The following IKBIP variants were observed in gnomAD, a reference collection of about 807,000 sequenced individuals.
IKBIP encodes the protein IKBKB interacting protein, also known as inhibitor of nuclear factor kappa-B kinase-interacting protein.
In IKBIP, 28 loss-of-function variants were observed where a neutral mutation model predicts 31.0. The observed-to-expected ratio is 0.90, with a 90% CI of 0.67 to 1.24. The LOEUF (loss-of-function observed/expected upper bound fraction) is 1.24. IKBIP is among the 50% of genes most tolerant of loss of function. The pLI is 0.00. For synonymous variants in IKBIP, 164 were observed against 160.3 expected (o/e 1.02, Z -0.17); for missense variants, 453 against 441.9 (o/e 1.03, Z -0.23).
chr12:98,643,092 G>T (rs1384398385), intron 1 of IKBIP, among the ~76,000 whole-genome samples: 2 of 151,792 alleles, frequency 1.3e-5, no homozygotes, highest in African/African-American at 2.4e-5. Flanking sequence ...AGCTGGGATT[G>T]CAGGTTTGTG....
downstream of IKBIP, chr12:98,624,212 C>G (rs1053661159): frequency 1.1e-6 from 1 of 909,084 alleles, no homozygotes; most frequent in South Asian, 5.1e-5. Context: ...TCACATTTGC[C>G]TTGACAGGAT....
intron 1 of IKBIP, among the ~76,000 whole-genome samples, chr12:98,639,059 G>T (rs893712840): frequency 4.6e-5 from 7 of 151,794 alleles, no homozygotes; most frequent in Non-Finnish European, 1.0e-4. Flanking sequence ...TCTCTTTTTG[G>T]AGATGGAGTC....
Position 98,626,183 on chromosome 12 carries a change from T to C in IKBIP, c.881A>G (p.Glu294Gly). The C allele has an allele frequency of 2.5e-6, 4 of 1,613,878 alleles. No homozygotes were observed. The change falls in exon 3 of 3, where the codon GAA becomes GGA. Residue 294 changes from glutamate to glycine, a missense_variant. Glu to Gly is a moderately conservative substitution (Grantham distance 98, BLOSUM62 -2). Coordinates refer to ENST00000299157, the MANE Select transcript of IKBIP (RefSeq NM_153687.4). ...CATAGTCAAGTCTTCCATTTTCTTTTCTGTTTCTATCAGATCCTGAGAGAC... is the reference window on the plus strand; with the variant it reads ...CATAGTCAAGTCTTCCATTTTCTTTCCTGTTTCTATCAGATCCTGAGAGAC... Reference protein sequence around the residue: ...LRVSQDLIETEKKMEDLTMQM... With the variant: ...LRVSQDLIETGKKMEDLTMQM...
At position 98,625,221 on chromosome 12, in the gene IKBIP, G is replaced by C; in HGVS notation, c.*709C>G. ...AGATTTATATACACATAATTCCTAA[G>C]AAAGGCCTTATGTAAGAACATACTT... On this transcript the variant is annotated 3_prime_UTR_variant, in exon 3 of 3. Transcript: ENST00000299157. The C allele has an allele frequency of 5.1e-6, 5 of 976,672 alleles. No individual in the cohort carries two copies. The highest frequency in any genetic ancestry group is 6.1e-6 in the Non-Finnish European group (5 of 821,954). The allele number at this position is 976,672 out of a possible 1,614,324, so 60.5% of individuals were successfully genotyped here.
rs141230563 is a variant in IKBIP at position 98,614,007 on chromosome 12, C to G, written c.631G>C (p.Val211Leu). The G allele has an allele frequency of 3.5e-5, 56 of 1,609,722 alleles. No homozygotes were observed. In the African/African-American group the frequency reaches 6.4e-4, roughly 18 times the overall value. Residue 211 changes from valine (V) to leucine (L), a missense_variant, in exon 3 of 3, where the codon GTA (valine) becomes CTA (leucine). Coordinates refer to the IKBIP transcript ENST00000342502. Reference sequence around the variant, plus strand: ...GAAAGAAGATCACCTATATTTTTTACTGTATTTTTTTCTACTTTCTCTATT... The same window carrying G: ...GAAAGAAGATCACCTATATTTTTTAGTGTATTTTTTTCTACTTTCTCTATT...
At chr12:98,632,483 G>GGAAAAAAA (rs1246465286) in intron 2 of IKBIP, among the ~76,000 whole-genome samples, 1 of 11,564 alleles carries the variant, frequency 8.6e-5, no homozygotes, top group African/African-American at 2.9e-4. Context: ...GACTCTATCT[G>GGAAAAAAA]AAAAAAAAAA....
intron 2 of IKBIP, among the ~76,000 whole-genome samples, chr12:98,631,394 C>T (rs1215084566): frequency 6.6e-6 from 1 of 151,740 alleles, no homozygotes; most frequent in Non-Finnish European, 1.5e-5. Context: ...GATTCTCCTG[C>T]CTCAGCCTCC....
At chr12:98,621,131 C>A (rs2097609902), downstream of IKBIP, among the ~76,000 whole-genome samples, 1 of 152,078 alleles carries the variant, frequency 6.6e-6, no homozygotes, top group South Asian at 2.1e-4. Context: ...CACCTGTAAT[C>A]CCAGGTACTT....
rs770992106 is a variant in IKBIP, at chr12:98,644,711, C to G, written c.-10G>C. The G allele has an allele frequency of 6.3e-6, 10 of 1,599,376 alleles. No homozygotes were observed. In the Admixed American group the frequency reaches 1.6e-4, roughly 26 times the overall value. ...TCTTCACCTCAGACATGTCTGGAGA[C>G]CCTAGGACGACAAGCCCAGGGCAGC... On this transcript the variant is annotated 5_prime_UTR_variant, in exon 1 of 3. Coordinates refer to ENST00000299157, the MANE Select transcript of IKBIP (RefSeq NM_153687.4).
chr12:98,634,466 G>A (rs561613278), intron 1 of IKBIP, 53 bp from the exon 2 acceptor site: 15 of 884,004 alleles, frequency 1.7e-5, no homozygotes, highest in African/African-American at 1.4e-4. Flanking sequence ...ATTTAAATCC[G>A]AATTTCAAAG....
At chr12:98,634,228 G>A (rs927011219) in intron 2 of IKBIP, 68 bp downstream of exon 2, 3 of 768,688 alleles carry the variant, frequency 3.9e-6, no homozygotes, top group African/African-American at 1.7e-5. Context: ...GTTCTGAGCT[G>A]GGATAGAGAA....
intron 2 of IKBIP, among the ~76,000 whole-genome samples, chr12:98,618,429 A>G (rs1448645919): frequency 1.3e-5 from 2 of 151,946 alleles, no homozygotes; most frequent in Admixed American, 6.6e-5. Context: ...GATCGAGACC[A>G]TCCTGGCTAA....
intron 2 of IKBIP, among the ~76,000 whole-genome samples, chr12:98,615,484 C>G (rs1378035043): frequency 6.6e-6 from 1 of 152,148 alleles, no homozygotes; most frequent in Admixed American, 6.6e-5. Flanking sequence ...CCGCCTCGAC[C>G]TCCCAAAGTG....
Position 98,625,906 on chromosome 12 carries a change from T to C in IKBIP, c.*24A>G, listed in dbSNP as rs750551670. The C allele has an allele frequency of 1.5e-6, 2 of 1,374,126 alleles. No individual in the cohort carries two copies. Among genetic ancestry groups the C allele is most frequent in the South Asian group, 3.7e-5 (2 of 53,820 alleles). The allele number at this position is 1,374,126 out of a possible 1,614,324, so 85.1% of individuals were successfully genotyped here. A position where few individuals can be genotyped will look rare whatever the true frequency, so the allele number is the denominator to read the frequency against. ...AATCAATTTATGTATAATGATATGGTTCATCAGAATAAATGTCATGAATTT... is the reference window on the plus strand; with the variant it reads ...AATCAATTTATGTATAATGATATGGCTCATCAGAATAAATGTCATGAATTT... On this transcript the variant is annotated 3_prime_UTR_variant, in exon 3 of 3. Transcript: ENST00000299157.
chr12:98,644,480 G>T (rs2097636020), intron 1 of IKBIP, 43 bp downstream of exon 1: 1 of 1,523,210 alleles, frequency 6.6e-7, no homozygotes, highest in Non-Finnish European at 8.8e-7. Flanking sequence ...AAACAGCAGG[G>T]GGCCCACAGG....
Position 98,625,822 on chromosome 12 carries a change from A to G in IKBIP, c.*108T>C. 1 of 935,634 alleles carries G rather than the reference A, an allele frequency of 1.1e-6. No individual in the cohort carries two copies. The highest frequency in any genetic ancestry group is 1.4e-6 in the Non-Finnish European group (1 of 690,490). 58.0% of individuals were successfully genotyped at this position (935,634 alleles called of 1,614,324 possible). A position where few individuals can be genotyped will look rare whatever the true frequency, so the allele number is the denominator to read the frequency against. The stretch of plus-strand genomic sequence containing the variant: ...ATCCATTTGTGTGGACATCTCATTT[A>G]TTTTCCAATAATGTAGGATAAGATG... On this transcript the variant is annotated 3_prime_UTR_variant, in exon 3 of 3. Transcript: ENST00000299157.
intron 2 of IKBIP, among the ~76,000 whole-genome samples, chr12:98,632,607 C>A (rs1236395867): frequency 1.2e-4 from 14 of 117,708 alleles, no homozygotes; most frequent in African/African-American, 4.1e-4. Flanking sequence ...CCAACAGCTA[C>A]AACCAGATTC....
At position 98,630,376 on chromosome 12, in the gene IKBIP, C is replaced by CAAAAAAAAAAAAAA. The variant is rs61623957; in HGVS notation, c.298-3624_298-3611dup. ...CCAGCCTGGGCAACAAGAGCCTGGG[C>CAAAAAAAAAAAAAA]AAAAAAAAAAAAAAAAAAAAAAAAA... On this transcript the variant is annotated intron_variant, in intron 2 of 2. Transcript: ENST00000299157. 4.8e-4 allele frequency among the ~76,000 whole-genome samples: 20 copies of CAAAAAAAAAAAAAA among 41,298 alleles called. 3 individuals carry two copies. Among genetic ancestry groups the CAAAAAAAAAAAAAA allele is most frequent in the African/African-American group, 1.5e-3 (12 of 8,162 alleles). The allele number at this position is 41,298 out of a possible 152,430, so 27.1% of individuals were successfully genotyped here.
At chr12:98,634,443 C>A in intron 1 of IKBIP, 30 bp from the exon 2 acceptor site, 1 of 1,062,300 alleles carries the variant, frequency 9.4e-7, no homozygotes, top group Non-Finnish European at 1.5e-6. Context: ...TCACTATTCT[C>A]CAATTCATAT....
Sources: allele counts gnomAD v4.1 joint callset (sites outside exome capture counted in the v4.1 genomes callset), GRCh38; gene constraint gnomAD v4.1.1; transcripts MANE v1.5; gene names NCBI Gene and HGNC (gene_info 2026-07-23, HGNC 2026-07-21).